RABGAP1L: variants seen among roughly 807,000 people sequenced by gnomAD.
RABGAP1L encodes RAB GTPase activating protein 1 like.
In RABGAP1L, 63 loss-of-function variants were observed where a neutral mutation model predicts 137.7. The observed-to-expected ratio is 0.46, with a 90% CI of 0.37 to 0.56. RABGAP1L has a LOEUF of 0.56. RABGAP1L is among the 20% of genes least tolerant of loss of function. The probability of loss-of-function intolerance (pLI) is 0.00; values close to 1 mark genes in which losing one functional copy is unlikely to be tolerated. For missense variants in RABGAP1L, 1,095 were observed against 1,244.0 expected (o/e 0.88, Z 1.80); for synonymous variants, 431 against 433.7 (o/e 0.99, Z 0.08).
At chr1:174,701,820 A>G (rs951742136) in intron 16 of RABGAP1L, among the ~76,000 whole-genome samples, 2 of 152,070 alleles carry the variant, frequency 1.3e-5, no homozygotes, top group African/African-American at 4.8e-5. Flanking sequence ...TCATTACACT[A>G]CAGATGCTCT....
chr1:174,670,744 A>T (rs901332581), intron 14 of RABGAP1L, among the ~76,000 whole-genome samples: 2 of 152,168 alleles, frequency 1.3e-5, no homozygotes, highest in African/African-American at 4.8e-5. Context: ...TTTAAGGCTG[A>T]ATAGTACTCC....
chr1:174,452,827 C>T (rs1177931927), intron 13 of RABGAP1L, among the ~76,000 whole-genome samples: 1 of 152,068 alleles, frequency 6.6e-6, no homozygotes, highest in African/African-American at 2.4e-5. Context: ...TCCTGAAGTG[C>T]TGGGATTACA....
chr1:174,275,616 G>A (rs1486952806), intron 8 of RABGAP1L, among the ~76,000 whole-genome samples: 2 of 152,084 alleles, frequency 1.3e-5, no homozygotes, highest in African/African-American at 4.8e-5. Context: ...AAGGGTACAT[G>A]TCTTTAAATA....
chr1:174,867,335 C>T (rs181670345), intron 19 of RABGAP1L, among the ~76,000 whole-genome samples: 1 of 149,664 alleles, frequency 6.7e-6, no homozygotes, highest in Non-Finnish European at 1.5e-5. Context: ...GGGCCGAGAT[C>T]GCGCCAAAAA....
chr1:174,212,793 G>T (rs1669001231), intron 1 of RABGAP1L, among the ~76,000 whole-genome samples: 1 of 151,988 alleles, frequency 6.6e-6, no homozygotes, highest in Admixed American at 6.6e-5. Context: ...CAAACCCTTA[G>T]CCAGACTAAG....
chr1:174,621,979 T>G (rs1439652310), intron 13 of RABGAP1L, among the ~76,000 whole-genome samples: 3 of 151,688 alleles, frequency 2.0e-5, no homozygotes, highest in Non-Finnish European at 4.4e-5. Flanking sequence ...ATATCCAGAA[T>G]CTACAATGAA....
At chr1:174,576,999 A>G (rs899031981) in intron 13 of RABGAP1L, among the ~76,000 whole-genome samples, 7 of 152,086 alleles carry the variant, frequency 4.6e-5, no homozygotes, top group African/African-American at 1.7e-4. Flanking sequence ...CTTGGGCAAC[A>G]TAACCACATC....
At chr1:174,963,400 C>A (rs117122245) in intron 20 of RABGAP1L, among the ~76,000 whole-genome samples, 4 of 151,976 alleles carry the variant, frequency 2.6e-5, no homozygotes, top group Non-Finnish European at 5.9e-5. Context: ...AAGGAGTGGG[C>A]GATTTCTAAC....
chr1:174,471,524 A>C (rs1657933925), intron 13 of RABGAP1L, among the ~76,000 whole-genome samples: 1 of 152,222 alleles, frequency 6.6e-6, no homozygotes, highest in South Asian at 2.1e-4. Context: ...TCTTTTTCAA[A>C]GGAATTGAAC....
At chr1:174,643,425 C>T (rs1674694177) in intron 14 of RABGAP1L, among the ~76,000 whole-genome samples, 1 of 152,154 alleles carries the variant, frequency 6.6e-6, no homozygotes, top group Admixed American at 6.6e-5. Flanking sequence ...CTGGGGCCAC[C>T]TGCTTTGCCA....
intron 13 of RABGAP1L, among the ~76,000 whole-genome samples, chr1:174,568,536 C>T (rs1310441598): frequency 6.6e-6 from 1 of 152,068 alleles, no homozygotes; most frequent in Non-Finnish European, 1.5e-5. Flanking sequence ...TAGCATTATC[C>T]ACATTGGCTC....
At chr1:174,911,924 C>T (rs1660118171) in intron 19 of RABGAP1L, among the ~76,000 whole-genome samples, 1 of 152,130 alleles carries the variant, frequency 6.6e-6, no homozygotes, top group African/African-American at 2.4e-5. Context: ...ATTTGTCACG[C>T]AATAGGAACC....
At chr1:174,406,318 A>G (rs1367458840) in intron 13 of RABGAP1L, among the ~76,000 whole-genome samples, 1 of 152,240 alleles carries the variant, frequency 6.6e-6, no homozygotes, top group Non-Finnish European at 1.5e-5. Flanking sequence ...TTCTATTATT[A>G]GTAACAAATA....
At chr1:174,443,393 G>T (rs1369569668) in intron 13 of RABGAP1L, among the ~76,000 whole-genome samples, 2 of 151,818 alleles carry the variant, frequency 1.3e-5, no homozygotes, top group Non-Finnish European at 2.9e-5. Context: ...GTTACTTTTT[G>T]TCTTTTTGGT....
In RABGAP1L at chr1:174,219,311, C is replaced by T. The variant is rs755251827; in HGVS notation, c.138+16C>T. On this transcript the variant is annotated intron_variant, in intron 2 of 25. Coordinates refer to ENST00000681986, the MANE Select transcript of RABGAP1L (RefSeq NM_001366446.1). ...TCAACTGAAGGTATTTTTTTCTTTT[C>T]TACATATGGTATAATTTTTAATTAA... 4.7e-6 allele frequency: 7 copies of T among 1,488,486 alleles called. No homozygotes were observed. Among genetic ancestry groups the T allele is most frequent in the Non-Finnish European group, 6.4e-6 (7 of 1,101,226 alleles). 92.2% of individuals were successfully genotyped at this position (1,488,486 alleles called of 1,614,324 possible).
intron 7 of RABGAP1L, among the ~76,000 whole-genome samples, chr1:174,268,162 C>T (rs893762985): frequency 7.9e-5 from 12 of 151,114 alleles, no homozygotes; most frequent in African/African-American, 2.7e-4. Flanking sequence ...TTCTTATTTG[C>T]AGTTCTGTTT....
chr1:174,370,962 T>G lies in RABGAP1L; in HGVS notation c.1466-17T>G, dbSNP rs1421077671. On this transcript the variant is annotated splice_polypyrimidine_tract_variant and intron_variant, in intron 11 of 25. Transcript: ENST00000681986. ...TATATAAAATAATGTTTGTTGGTTT[T>G]TGCGTTTCTTCTGCAGAGAGTGATA... The G allele has an allele frequency of 7.3e-7, 1 of 1,366,460 alleles. No individual in the cohort carries two copies. Among genetic ancestry groups the G allele is most frequent in the Non-Finnish European group, 1.0e-6 (1 of 1,002,746 alleles). The allele number at this position is 1,366,460 out of a possible 1,614,324, so 84.6% of individuals were successfully genotyped here. A position where few individuals can be genotyped will look rare whatever the true frequency, so the allele number is the denominator to read the frequency against.
chr1:174,757,947 C>T (rs1386737299), intron 18 of RABGAP1L, among the ~76,000 whole-genome samples: 5 of 149,204 alleles, frequency 3.4e-5, no homozygotes, highest in East Asian at 2.0e-4. Context: ...CGCTTGAACC[C>T]GGGAGGCAGA....
chr1:174,983,028 A>G (rs1671267474), intron 24 of RABGAP1L, 123 bp downstream of exon 24: 2 of 1,007,984 alleles, frequency 2.0e-6, no homozygotes, highest in South Asian at 1.5e-5. Flanking sequence ...AATTATGGAG[A>G]CTAGGATACC....
Sources: allele counts gnomAD v4.1 joint callset (sites outside exome capture counted in the v4.1 genomes callset), GRCh38; gene constraint gnomAD v4.1.1; transcripts MANE v1.5; gene names NCBI Gene and HGNC (gene_info 2026-07-23, HGNC 2026-07-21).